Variants in ABL2 observed in about 807,000 individuals in gnomAD.
The protein encoded by ABL2 is ABL proto-oncogene 2, non-receptor tyrosine kinase.
In ABL2, 49 loss-of-function variants were observed where a neutral mutation model predicts 107.7. That is an observed-to-expected ratio of 0.45 (90% CI 0.36 to 0.58). ABL2 has a LOEUF of 0.58. Ranked by LOEUF, ABL2 falls within the 20% of genes least tolerant of loss-of-function variation. The pLI is 0.00. For synonymous variants in ABL2, 549 were observed against 548.6 expected (o/e 1.00, Z -0.01); for missense variants, 1,245 against 1,457.0 (o/e 0.85, Z 2.37).
chr1:179,157,301 C>T (rs938910064), intron 1 of ABL2, among the ~76,000 whole-genome samples: 3 of 152,090 alleles, frequency 2.0e-5, no homozygotes, highest in African/African-American at 7.2e-5. Context: ...TCGAGACCAG[C>T]CTGGCCAACA....
In ABL2 at chr1:179,126,420, C is replaced by T; in HGVS notation, c.644G>A (p.Gly215Glu). 2 of 1,614,194 alleles carry T rather than the reference C, an allele frequency of 1.2e-6. No homozygotes were observed. The highest frequency in any genetic ancestry group is 1.7e-6 in the Non-Finnish European group (2 of 1,180,036). Residue 215 changes from glycine to glutamate, a missense_variant, in exon 4 of 12, where the codon GGA becomes GAA. Physicochemically the swap from Gly to Glu is moderately conservative, Grantham distance 98. Transcript: ENST00000502732. The surrounding 1 kb of genome is among the most constrained non-coding windows in gnomAD (Gnocchi z 4.4). ...GQLSISLRYEGRVYHYRINTT... is the reference protein window; with the variant it reads ...GQLSISLRYEERVYHYRINTT... ...ATTGATCCTGTAGTGATACACACGT[C>T]CCTCGTACCTGAGCGAGATGGACAG...
At chr1:179,221,793 CAAA>C (rs34844213) in intron 1 of ABL2, 1,620 of 188,758 alleles carry the variant, frequency 8.6e-3, no homozygotes, top group East Asian at 0.02. Context: ...AGGATTTTAC[CAAA>C]AAAAAAAAAA....
In ABL2 at chr1:179,175,934, C is replaced by T. The variant is rs145407116; in HGVS notation, c.158-42560G>A. ...ACAGTGGTACGATCTTGGCTCACTA[C>T]AACCTCTGTCTCCCGGGCTCAAGCA... is the stretch of plus-strand genomic sequence containing the variant. On this transcript the variant is annotated intron_variant, in intron 1 of 11. Transcript: ENST00000502732. 8.3e-3 allele frequency among the ~76,000 whole-genome samples: 1,241 copies of T among 149,968 alleles called. 14 individuals are homozygous for T. The highest frequency in any genetic ancestry group is 0.029 in the African/African-American group (1,185 of 40,924).
chr1:179,150,013 C>CT (rs1378351758), intron 1 of ABL2, among the ~76,000 whole-genome samples: 15 of 152,216 alleles, frequency 9.9e-5, no homozygotes, highest in African/African-American at 3.1e-4. Context: ...GGGAGGGCTG[C>CT]TTTAGGCCAG....
intron 4 of ABL2, among the ~76,000 whole-genome samples, chr1:179,123,979 C>T (rs1403783593): frequency 6.6e-6 from 1 of 151,916 alleles, no homozygotes; most frequent in Non-Finnish European, 1.5e-5. Context: ...CAGTGGCTCA[C>T]GCCTGTAATC....
intron 10 of ABL2, chr1:179,110,745 T>G (rs1653974867): frequency 1.9e-6 from 3 of 1,613,594 alleles, no homozygotes; most frequent in Non-Finnish European, 2.5e-6. Flanking sequence ...TTTAGGTTGT[T>G]TCCAGTTTGG....
At chr1:179,144,468 CAAA>C (rs1042686470) in intron 1 of ABL2, among the ~76,000 whole-genome samples, 1 of 151,070 alleles carries the variant, frequency 6.6e-6, no homozygotes, top group East Asian at 1.9e-4. Context: ...TCAAAAAAAA[CAAA>C]AAAAAGAGTG....
intron 1 of ABL2, among the ~76,000 whole-genome samples, chr1:179,225,902 G>A (rs1013632603): frequency 2.0e-5 from 3 of 151,650 alleles, no homozygotes; most frequent in Non-Finnish European, 2.9e-5. Context: ...AAATTAGCCG[G>A]GCGTGGTGGC....
intron 1 of ABL2, among the ~76,000 whole-genome samples, chr1:179,157,148 C>G (rs1420112210): frequency 6.6e-6 from 1 of 152,092 alleles, no homozygotes; most frequent in African/African-American, 2.4e-5. Context: ...TTTCTGTGGA[C>G]TGACATGACA....
At position 179,106,275 on chromosome 1, in the gene ABL2, T is replaced by C. The variant is rs1572595058; in HGVS notation, c.*1443A>G. ...CACTTCCATGCCATCCTAATTAGCT[T>C]CCACAATTATAACTAAGGAAGGAAG... On this transcript the variant is annotated 3_prime_UTR_variant, in exon 12 of 12. Transcript: ENST00000502732. 2.2e-5 allele frequency: 5 copies of C among 228,322 alleles called. No homozygotes were observed. In the East Asian group the frequency reaches 3.1e-4, roughly 14 times the overall value. The allele number at this position is 228,322 out of a possible 1,614,324, so 14.1% of individuals were successfully genotyped here.
chr1:179,217,642 A>G (rs1471222606), intron 1 of ABL2, among the ~76,000 whole-genome samples: 2 of 151,420 alleles, frequency 1.3e-5, no homozygotes, highest in African/African-American at 2.4e-5. Context: ...AAAAAAAAAG[A>G]AAAGAAATAT....
At chr1:179,229,200 G>A in intron 1 of ABL2, 41 bp downstream of exon 1, 1 of 219,660 alleles carries the variant, frequency 4.6e-6, no homozygotes, top group Non-Finnish European at 6.6e-6. Context: ...CCCACCCCCG[G>A]CCTCCCCCAC....
intron 1 of ABL2, among the ~76,000 whole-genome samples, chr1:179,163,858 ACTC>A (rs1203102330): frequency 6.6e-6 from 1 of 152,234 alleles, no homozygotes; most frequent in East Asian, 1.9e-4. Flanking sequence ...ATGGAATACC[ACTC>A]AACAATACAA....
At position 179,227,517 on chromosome 1, in the gene ABL2, GA is replaced by G. The variant is rs553126838; in HGVS notation, c.157+1723del. On this transcript the variant is annotated intron_variant, in intron 1 of 11. Coordinates refer to ENST00000502732, the MANE Select transcript of ABL2 (RefSeq NM_007314.4). Reference sequence around the variant, plus strand: ...ATTCTTCATGACTTCCTCTTTCTTGGAAAATCTTACATACCGAATAAGATAG... The same window carrying G: ...ATTCTTCATGACTTCCTCTTTCTTGGAAATCTTACATACCGAATAAGATAG... Among the ~76,000 whole-genome samples, 9 of 152,094 alleles carry G rather than the reference GA, an allele frequency of 5.9e-5. No individual in the cohort carries two copies. In the East Asian group the frequency reaches 1.7e-3, roughly 29 times the overall value.
intron 1 of ABL2, among the ~76,000 whole-genome samples, chr1:179,174,839 G>A (rs1372120414): frequency 1.4e-5 from 2 of 145,968 alleles, no homozygotes; most frequent in Non-Finnish European, 3.0e-5. Flanking sequence ...AGGTTGCAGT[G>A]AGGCCAGATC....
In ABL2 at chr1:179,100,515, G is replaced by T. The variant is rs866204182; in HGVS notation, c.*7203C>A. The T allele has an allele frequency of 4.4e-6, 1 of 228,716 alleles. No individual in the cohort carries two copies. Among genetic ancestry groups the T allele is most frequent in the Non-Finnish European group, 8.7e-6 (1 of 115,280 alleles). The allele number at this position is 228,716 out of a possible 1,614,324, so 14.2% of individuals were successfully genotyped here. On this transcript the variant is annotated 3_prime_UTR_variant, in exon 12 of 12. Transcript: ENST00000502732. ...TCCCATTCTCCAACTAAAGTTTATG[G>T]TGCCTAATTCCGAAGCAAATTTAAG...
intron 1 of ABL2, among the ~76,000 whole-genome samples, chr1:179,166,259 C>CA (rs1406546905): frequency 1.3e-5 from 2 of 151,438 alleles, no homozygotes; most frequent in East Asian, 1.9e-4. Context: ...TATATTAAGC[C>CA]AAAAAAAGCT....
intron 1 of ABL2, among the ~76,000 whole-genome samples, chr1:179,218,872 G>A (rs1213990557): frequency 6.6e-6 from 1 of 152,160 alleles, no homozygotes; most frequent in Non-Finnish European, 1.5e-5. Flanking sequence ...AGCTCTCCAC[G>A]CTCAAGTTTC....
chr1:179,137,647 A>C (rs1340975522), intron 1 of ABL2: 1 of 152,214 alleles, frequency 6.6e-6, no homozygotes, highest in African/African-American at 2.4e-5. Context: ...AACCCCTATC[A>C]GGACAAAACC....
Sources: allele counts gnomAD v4.1 joint callset (sites outside exome capture counted in the v4.1 genomes callset), GRCh38; gene constraint gnomAD v4.1.1; non-coding constraint Gnocchi (gnomAD v3.1); transcripts MANE v1.5; gene names NCBI Gene and HGNC (gene_info 2026-07-23, HGNC 2026-07-21).